TTPAL: variants seen among roughly 807,000 people sequenced by gnomAD.
TTPAL encodes the protein alpha tocopherol transfer protein like.
A neutral mutation model predicts 28.7 loss-of-function variants in TTPAL; 21 were observed. The observed-to-expected ratio is 0.73, with a 90% CI of 0.52 to 1.06. TTPAL has a LOEUF of 1.06. Among genes scored for constraint, TTPAL ranks in the 50% least tolerant of loss-of-function variants. The probability of loss-of-function intolerance (pLI) is 0.00; values close to 1 mark genes in which losing one functional copy is unlikely to be tolerated. For missense variants in TTPAL, 345 were observed against 425.5 expected, an observed-to-expected ratio of 0.81 and a Z score of 1.67; for synonymous variants, 169 against 171.9, an observed-to-expected ratio of 0.98 and a Z score of 0.13.
At chr20:44,488,968 A>G (rs1347975145) in intron 4 of TTPAL, among the ~76,000 whole-genome samples, 1 of 152,226 alleles carries the variant, frequency 6.6e-6, no homozygotes, top group Admixed American at 6.5e-5. Flanking sequence ...ATAGGAGGCC[A>G]CTGGAGGAAT....
rs1392339309 is a variant in TTPAL at position 44,494,299 on chromosome 20, A to G, written c.*4758A>G. 6.5e-6 allele frequency: 1 copy of G among 152,742 alleles called. No individual in the cohort carries two copies. Among genetic ancestry groups the G allele is most frequent in the Admixed American group, 6.6e-5 (1 of 15,266 alleles). 9.5% of individuals were successfully genotyped at this position (152,742 alleles called of 1,614,324 possible). On this transcript the variant is annotated 3_prime_UTR_variant, in exon 5 of 5. Transcript: ENST00000262605. The stretch of plus-strand genomic sequence containing the variant: ...GCCTCGGCTTCTTGGCATATCAGGT[A>G]GGAACCTGTTACAAGTGAAATACTT...
In TTPAL at chr20:44,476,579, C is replaced by T. The variant is rs377736253; in HGVS notation, c.-16+588C>T. Among the ~76,000 whole-genome samples, 11 of 152,356 alleles carry T rather than the reference C, an allele frequency of 7.2e-5. 1 individual carries two copies. Among genetic ancestry groups the T allele is most frequent in the East Asian group, 1.9e-4 (1 of 5,178 alleles). ...TGGCAGTGGACATGGCAGACAAGCC[C>T]TCTGCCCTCGTGGAACTTAGATTCT... On this transcript the variant is annotated intron_variant, in intron 1 of 4. Coordinates refer to ENST00000262605, the MANE Select transcript of TTPAL (RefSeq NM_001039199.3).
In TTPAL at chr20:44,491,179, G is replaced by A. The variant is rs2064202946; in HGVS notation, c.*1638G>A. On this transcript the variant is annotated 3_prime_UTR_variant, in exon 5 of 5. Transcript: ENST00000262605. ...ACTTCTGGGCCCCCCTGCCCTCCCA[G>A]CCCCACTTGAGTTTCTCTCTCTGGT... The A allele has an allele frequency of 6.9e-6, 1 of 144,162 alleles. No individual in the cohort carries two copies. Among genetic ancestry groups the A allele is most frequent in the Admixed American group, 6.9e-5 (1 of 14,396 alleles). 8.9% of individuals were successfully genotyped at this position (144,162 alleles called of 1,614,324 possible).
At chr20:44,485,528 G>A (rs147124634) in intron 3 of TTPAL, among the ~76,000 whole-genome samples, 70 of 152,272 alleles carry the variant, frequency 4.6e-4, no homozygotes, top group African/African-American at 1.5e-3. Context: ...ATGGGGCACC[G>A]GTGGTATAGT....
In TTPAL at chr20:44,489,379, A is replaced by C; in HGVS notation, c.867A>C (p.Val289=). 2 of 1,614,134 alleles carry C rather than the reference A, an allele frequency of 1.2e-6. No homozygotes were observed. Among genetic ancestry groups the C allele is most frequent in the Non-Finnish European group, 1.7e-6 (2 of 1,180,010 alleles). ...TGGACACTGCCACCTGGAACGCGGT[A>C]CTGCTGGCTTCAGAAGACGATTTTG... ...GELDTATWNA[V]LLASEDDFVK... The change falls in exon 5 of 5, where the codon GTA becomes GTC. Residue 289 remains valine (V), a synonymous_variant. Coordinates refer to ENST00000262605, the MANE Select transcript of TTPAL (RefSeq NM_001039199.3).
chr20:44,487,544 C>G (rs1230573312), intron 4 of TTPAL, among the ~76,000 whole-genome samples: 1 of 152,198 alleles, frequency 6.6e-6, no homozygotes, highest in Non-Finnish European at 1.5e-5. Context: ...TATGTTGTCC[C>G]ACTGTACAGT....
chr20:44,481,257 C>T (rs2064102461), intron 2 of TTPAL, among the ~76,000 whole-genome samples: 1 of 152,164 alleles, frequency 6.6e-6, no homozygotes, highest in East Asian at 1.9e-4. Context: ...TTTAGAAATA[C>T]TCCCCTGCCA....
In TTPAL at chr20:44,480,094, T is replaced by A; in HGVS notation, c.95T>A (p.Val32Glu). 1.9e-6 allele frequency: 3 copies of A among 1,614,180 alleles called. No individual in the cohort carries two copies. Among genetic ancestry groups the A allele is most frequent in the Non-Finnish European group, 2.5e-6 (3 of 1,180,034 alleles). ...LPPPPEPPGYVCSLTEDLVTK... is the reference protein window; with the variant it reads ...LPPPPEPPGYECSLTEDLVTK... ...CCACCACCTGAGCCTCCGGGCTATG[T>A]GTGCTCACTGACAGAAGACCTGGTC... Residue 32 changes from valine (V) to glutamate (E), a missense_variant, in exon 2 of 5, where the codon GTG (valine) becomes GAG (glutamate). Physicochemically the swap from Val to Glu is moderately radical, Grantham distance 121. Coordinates refer to ENST00000262605, the MANE Select transcript of TTPAL (RefSeq NM_001039199.3). This position sits in a 1 kb window ranked among gnomAD's most constrained non-coding sequence, Gnocchi z 4.1.
chr20:44,479,709 C>T (rs971420951), intron 1 of TTPAL, among the ~76,000 whole-genome samples: 1 of 152,168 alleles, frequency 6.6e-6, no homozygotes, highest in Middle Eastern at 3.4e-3. Flanking sequence ...TGAATAAGGT[C>T]GAGCACCTAT....
In TTPAL at chr20:44,490,325, A is replaced by C. The variant is rs931137537; in HGVS notation, c.*784A>C. On this transcript the variant is annotated 3_prime_UTR_variant, in exon 5 of 5. Coordinates refer to ENST00000262605, the MANE Select transcript of TTPAL (RefSeq NM_001039199.3). ...CTGGATCCCAGGCCCGTGTAGCTAT[A>C]AGAATTCTGGCCTGGATCCCAGGTG... 1 of 152,324 alleles carries C rather than the reference A, an allele frequency of 6.6e-6. No individual in the cohort carries two copies. The highest frequency in any genetic ancestry group is 1.5e-5 in the Non-Finnish European group (1 of 68,034). The allele number at this position is 152,324 out of a possible 1,614,324, so 9.4% of individuals were successfully genotyped here.
In TTPAL at chr20:44,491,066, A is replaced by G. The variant is rs1231143499; in HGVS notation, c.*1525A>G. 1 of 127,106 alleles carries G rather than the reference A, an allele frequency of 7.9e-6. No individual in the cohort carries two copies. Among genetic ancestry groups the G allele is most frequent in the Non-Finnish European group, 1.6e-5 (1 of 63,042 alleles). 7.9% of individuals were successfully genotyped at this position (127,106 alleles called of 1,614,324 possible). On this transcript the variant is annotated 3_prime_UTR_variant, in exon 5 of 5. Coordinates refer to ENST00000262605, the MANE Select transcript of TTPAL (RefSeq NM_001039199.3). ...ACTCCAGCCTGGGCGACAGAGCAAG[A>G]CTCTGCCTCAAAAAAAAAAAAAAAA...
intron 1 of TTPAL, among the ~76,000 whole-genome samples, chr20:44,479,667 TAC>T (rs2064083168): frequency 1.3e-5 from 2 of 152,086 alleles, no homozygotes; most frequent in South Asian, 4.1e-4. Flanking sequence ...GCATATACAT[TAC>T]AGTTGTTTTA....
At chr20:44,483,038 A>AGTAAAGACAGGGTTTCACCAT (rs2064120958) in intron 2 of TTPAL, among the ~76,000 whole-genome samples, 1 of 151,982 alleles carries the variant, frequency 6.6e-6, no homozygotes, top group African/African-American at 2.4e-5. Flanking sequence ...TTGTATTTTC[A>AGTAAAGACAGGGTTTCACCAT]GTAAAGACAG....
chr20:44,480,475 T>C lies in TTPAL; in HGVS notation c.445+31T>C. 1 of 1,545,566 alleles carries C rather than the reference T, an allele frequency of 6.5e-7. No homozygotes were observed. On this transcript the variant is annotated intron_variant, in intron 2 of 4. Coordinates refer to ENST00000262605, the MANE Select transcript of TTPAL (RefSeq NM_001039199.3). The surrounding 1 kb of genome is among the most constrained non-coding windows in gnomAD (Gnocchi z 4.1). ...TCCCTAGACTGTTGTGGGGTGTGTGTGTCCAGTCCTTCTGCAGTGTGTCCA... is the reference window on the plus strand; with the variant it reads ...TCCCTAGACTGTTGTGGGGTGTGTGCGTCCAGTCCTTCTGCAGTGTGTCCA...
At chr20:44,483,040 TA>T (rs2064120995) in intron 2 of TTPAL, among the ~76,000 whole-genome samples, 1 of 152,058 alleles carries the variant, frequency 6.6e-6, no homozygotes, top group Non-Finnish European at 1.5e-5. Flanking sequence ...GTATTTTCAG[TA>T]AAGACAGGGT....
At chr20:44,484,660 C>T in intron 3 of TTPAL, 130 bp downstream of exon 3, 1 of 641,070 alleles carries the variant, frequency 1.6e-6, no homozygotes, top group Non-Finnish European at 2.6e-6. Context: ...AACACAAAAG[C>T]ATTATGGGAA....
chr20:44,487,389 CT>C (rs2064162092), intron 4 of TTPAL, among the ~76,000 whole-genome samples: 1 of 152,106 alleles, frequency 6.6e-6, no homozygotes, highest in East Asian at 1.9e-4. Context: ...CTGCCATGGG[CT>C]TGAACAATGG....
rs2064215907 is a variant in TTPAL, at chr20:44,492,465, G to C, written c.*2924G>C. 1 of 152,278 alleles carries C rather than the reference G, an allele frequency of 6.6e-6. No individual in the cohort carries two copies. Among genetic ancestry groups the C allele is most frequent in the South Asian group, 2.1e-4 (1 of 4,820 alleles). 9.4% of individuals were successfully genotyped at this position (152,278 alleles called of 1,614,324 possible). On this transcript the variant is annotated 3_prime_UTR_variant, in exon 5 of 5. Transcript: ENST00000262605. ...TTTACCTTACTACGTGGCCTTTGAT[G>C]AGCTGGCTTAACATCCCTGAGTGAT... is the stretch of plus-strand genomic sequence containing the variant.
chr20:44,485,377 T>C (rs1428106946), intron 3 of TTPAL, among the ~76,000 whole-genome samples: 1 of 152,066 alleles, frequency 6.6e-6, no homozygotes, highest in Non-Finnish European at 1.5e-5. Flanking sequence ...TCCTCTGAGA[T>C]AGGCAAGGCA....
Sources: allele counts gnomAD v4.1 joint callset (sites outside exome capture counted in the v4.1 genomes callset), GRCh38; gene constraint gnomAD v4.1.1; non-coding constraint Gnocchi (gnomAD v3.1); transcripts MANE v1.5; gene names NCBI Gene and HGNC (gene_info 2026-07-23, HGNC 2026-07-21).